The following RARB variants were observed in gnomAD, a reference collection of about 807,000 sequenced individuals.
The protein encoded by RARB is retinoic acid receptor beta, also known as HBV-activated protein.
Under a neutral mutation model 51.9 loss-of-function variants are expected in RARB, and 17 were observed. The ratio of observed to expected loss-of-function variants is 0.33; its 90% CI spans 0.22 to 0.49. The LOEUF (loss-of-function observed/expected upper bound fraction) is 0.49. Ranked by LOEUF, RARB falls within the 20% of genes least tolerant of loss-of-function variation. RARB has a pLI of 0.99. For missense variants in RARB, 369 were observed against 550.8 expected (o/e 0.67, Z 3.30); for synonymous variants, 215 against 195.4 (o/e 1.10, Z -0.84).
intron 5 of RARB, among the ~76,000 whole-genome samples, chr3:25,341,303 T>C (rs1258184789): frequency 6.6e-6 from 1 of 152,114 alleles, no homozygotes; most frequent in Admixed American, 6.6e-5. Context: ...TGAATATACA[T>C]AAGATCACCA....
chr3:24,922,668 G>C (rs1695243489), intron 2 of RARB, among the ~76,000 whole-genome samples: 1 of 152,156 alleles, frequency 6.6e-6, no homozygotes, highest in Non-Finnish European at 1.5e-5. Flanking sequence ...GAGAAGTGTA[G>C]AAGACGGGTC....
At chr3:24,873,825 G>A (rs939937330) in intron 2 of RARB, among the ~76,000 whole-genome samples, 4 of 151,806 alleles carry the variant, frequency 2.6e-5, no homozygotes, top group African/African-American at 7.3e-5. Flanking sequence ...CGGGTAAGGG[G>A]TCTTTTTACA....
intron 2 of RARB, among the ~76,000 whole-genome samples, chr3:24,946,667 G>A (rs566790515): frequency 6.6e-6 from 1 of 152,054 alleles, no homozygotes; most frequent in African/African-American, 2.4e-5. Flanking sequence ...CCAGGAATTA[G>A]AGACCAGCTT....
chr3:25,497,604 G>A (rs1377730090), intron 2 of RARB, among the ~76,000 whole-genome samples: 1 of 152,182 alleles, frequency 6.6e-6, no homozygotes, highest in East Asian at 1.9e-4. Flanking sequence ...TCATTCAGGG[G>A]AAGAGAGAGC....
intron 3 of RARB, among the ~76,000 whole-genome samples, chr3:25,569,341 C>T (rs189419893): frequency 1.9e-4 from 29 of 152,292 alleles, no homozygotes; most frequent in African/African-American, 6.7e-4. Flanking sequence ...CTAGGAAATA[C>T]TAATTATGAA....
At chr3:25,286,708 C>T (rs963068740) in intron 5 of RARB, among the ~76,000 whole-genome samples, 1 of 152,120 alleles carries the variant, frequency 6.6e-6, no homozygotes, top group Non-Finnish European at 1.5e-5. Context: ...CTTACCTTCC[C>T]ATTTGAACAT....
Position 25,215,349 on chromosome 3 carries a change from G to A in RARB, c.178+40774G>A, listed in dbSNP as rs532611357. ...GAAATAGAAGTGTTTGTGGGAAAGG[G>A]TTTGACAAACTGTTGACTGTTGTAC... On this transcript the variant is annotated intron_variant, in intron 5 of 11. Transcript: ENST00000383772. 2.6e-5 allele frequency among the ~76,000 whole-genome samples: 4 copies of A among 152,302 alleles called. 1 individual carries two copies. The highest frequency in any genetic ancestry group is 4.1e-4 in the South Asian group (2 of 4,824).
At chr3:25,137,853 C>A (rs112615007) in intron 4 of RARB, among the ~76,000 whole-genome samples, 1 of 152,046 alleles carries the variant, frequency 6.6e-6, no homozygotes, top group African/African-American at 2.4e-5. Flanking sequence ...GACTGAGAGG[C>A]GAAACTACTT....
chr3:25,222,076 C>T (rs1361773528), intron 5 of RARB, among the ~76,000 whole-genome samples: 1 of 152,134 alleles, frequency 6.6e-6, no homozygotes, highest in African/African-American at 2.4e-5. Context: ...CTTGGTAATA[C>T]ATCACTGGCG....
intron 5 of RARB, among the ~76,000 whole-genome samples, chr3:25,395,063 C>G (rs1223635537): frequency 6.6e-6 from 1 of 152,130 alleles, no homozygotes; most frequent in East Asian, 1.9e-4. Flanking sequence ...TTTCAAGATT[C>G]AGAGCTCCTT....
chr3:25,403,886 T>TAAAAAAAAAAAAAA (rs546197894), intron 5 of RARB, among the ~76,000 whole-genome samples: 11 of 88,366 alleles, frequency 1.2e-4, no homozygotes, highest in African/African-American at 4.8e-4. Flanking sequence ...TTTCTTTTTC[T>TAAAAAAAAAAAAAA]AAAAAAAAAA....
At chr3:25,175,875 C>T (rs879300940) in intron 5 of RARB, among the ~76,000 whole-genome samples, 10 of 152,128 alleles carry the variant, frequency 6.6e-5, no homozygotes, top group South Asian at 4.1e-4. Context: ...GCCAAAGCGG[C>T]GTATTGACTA....
At chr3:25,555,893 G>A (rs1211476330) in intron 3 of RARB, among the ~76,000 whole-genome samples, 2 of 152,192 alleles carry the variant, frequency 1.3e-5, no homozygotes, top group Non-Finnish European at 2.9e-5. Context: ...GGGAAAGAAA[G>A]CCCATTCTGG....
intron 2 of RARB, among the ~76,000 whole-genome samples, chr3:25,009,004 A>G (rs1281025155): frequency 6.6e-6 from 1 of 152,174 alleles, no homozygotes; most frequent in Non-Finnish European, 1.5e-5. Context: ...AAAGCAATGA[A>G]ATGAAGCCTA....
chr3:24,967,805 G>A (rs1696310096), intron 2 of RARB, among the ~76,000 whole-genome samples: 1 of 152,160 alleles, frequency 6.6e-6, no homozygotes, highest in South Asian at 2.1e-4. Context: ...ATTATTGGAT[G>A]AGTAACTAAT....
intron 2 of RARB, among the ~76,000 whole-genome samples, chr3:25,019,557 G>A (rs1697584308): frequency 6.6e-6 from 1 of 151,842 alleles, no homozygotes; most frequent in Non-Finnish European, 1.5e-5. Flanking sequence ...AGCTTAATTT[G>A]CATTAATACA....
At chr3:25,121,706 GT>G (rs2125329461) in intron 3 of RARB, among the ~76,000 whole-genome samples, 1 of 152,248 alleles carries the variant, frequency 6.6e-6, no homozygotes, top group South Asian at 2.1e-4. Flanking sequence ...CATAGGAGGT[GT>G]TTAGTAAATA....
intron 5 of RARB, among the ~76,000 whole-genome samples, chr3:25,175,152 G>T (rs1409725601): frequency 6.6e-6 from 1 of 152,004 alleles, no homozygotes; most frequent in Non-Finnish European, 1.5e-5. Context: ...TCTGTATAAG[G>T]TACTATAAAA....
At chr3:24,940,646 G>C (rs989241164) in intron 2 of RARB, among the ~76,000 whole-genome samples, 1 of 152,084 alleles carries the variant, frequency 6.6e-6, no homozygotes, top group Non-Finnish European at 1.5e-5. Context: ...TCCTGTCCAT[G>C]TGTGTTCTTA....
Sources: allele counts gnomAD v4.1 joint callset (sites outside exome capture counted in the v4.1 genomes callset), GRCh38; gene constraint gnomAD v4.1.1; transcripts MANE v1.5; gene names NCBI Gene and HGNC (gene_info 2026-07-23, HGNC 2026-07-21).